DDI2: variants seen among roughly 807,000 people sequenced by gnomAD.
DDI2 encodes the protein protein DDI1 homolog 2.
DDI2 carries 5 observed loss-of-function variants against 48.1 expected under a neutral mutation model. That is an observed-to-expected ratio of 0.10 (90% CI 0.05 to 0.22). The LOEUF is 0.22. Among genes scored for constraint, DDI2 ranks in the 10% least tolerant of loss-of-function variants. The pLI is 1.00. For missense variants in DDI2, 285 were observed against 506.2 expected (o/e 0.56, Z 4.19); for synonymous variants, 205 against 183.6 (o/e 1.12, Z -0.94).
intron 9 of DDI2, among the ~76,000 whole-genome samples, chr1:15,657,785 T>G (rs2148305145): frequency 6.6e-6 from 1 of 152,348 alleles, no homozygotes; most frequent in Middle Eastern, 3.4e-3. Flanking sequence ...AACTAATAAC[T>G]GTTAGACATC....
rs753851310 is a variant in DDI2 at position 15,661,509 on chromosome 1, G to A, written c.*1719G>A. The A allele has an allele frequency of 2.5e-6, 4 of 1,613,958 alleles. No homozygotes were observed. The highest frequency in any genetic ancestry group is 2.5e-6 in the Non-Finnish European group (3 of 1,180,012). On this transcript the variant is annotated 3_prime_UTR_variant, in exon 10 of 10. Coordinates refer to ENST00000480945, the MANE Select transcript of DDI2 (RefSeq NM_032341.5). ...GAGAAAATGTCTGTCCTGATGCTTC[G>A]AGGCCATTACTTGAATATGAACCAC...
At chr1:15,639,372 T>G (rs762759216) in intron 5 of DDI2, among the ~76,000 whole-genome samples, 1 of 152,046 alleles carries the variant, frequency 6.6e-6, no homozygotes, top group Non-Finnish European at 1.5e-5. Flanking sequence ...CAAATAATAT[T>G]TTCCCCCTTC....
At position 15,663,062 on chromosome 1, in the gene DDI2, C is replaced by T. The variant is rs1255489868; in HGVS notation, c.*3272C>T. 6 of 152,104 alleles carry T rather than the reference C, an allele frequency of 3.9e-5. No homozygotes were observed. Among genetic ancestry groups the T allele is most frequent in the African/African-American group, 1.4e-4 (6 of 41,410 alleles). 9.4% of individuals were successfully genotyped at this position (152,104 alleles called of 1,614,324 possible). On this transcript the variant is annotated 3_prime_UTR_variant, in exon 10 of 10. Transcript: ENST00000480945. Reference sequence around the variant, plus strand: ...TGGATAGGTTTTAGATAATTCTTTCCTGGCAAACTGCTCTTTTGGGTACCT... The same window carrying T: ...TGGATAGGTTTTAGATAATTCTTTCTTGGCAAACTGCTCTTTTGGGTACCT...
At chr1:15,619,546 C>T (rs561722160) in intron 1 of DDI2, among the ~76,000 whole-genome samples, 2 of 151,282 alleles carry the variant, frequency 1.3e-5, no homozygotes, top group Non-Finnish European at 2.9e-5. Context: ...ACTGCAAGCT[C>T]CACCTCCCGG....
intron 8 of DDI2, among the ~76,000 whole-genome samples, chr1:15,653,125 A>AT (rs1429595097): frequency 1.3e-5 from 2 of 152,036 alleles, no homozygotes; most frequent in African/African-American, 2.4e-5. Context: ...AGCTTCCTAA[A>AT]TTTTTTTAGG....
At chr1:15,618,232 GTAGA>G (rs1639597089) in intron 1 of DDI2, among the ~76,000 whole-genome samples, 1 of 150,116 alleles carries the variant, frequency 6.7e-6, no homozygotes, top group African/African-American at 2.5e-5. Context: ...GATCACTGTG[GTAGA>G]TAGATGTTCC....
Position 15,656,649 on chromosome 1 carries a change from T to C in DDI2, c.*16T>C. 1 of 1,614,196 alleles carries C rather than the reference T, an allele frequency of 6.2e-7. No homozygotes were observed. Among genetic ancestry groups the C allele is most frequent in the Non-Finnish European group, 8.5e-7 (1 of 1,180,018 alleles). ...GAAGCCATGATGCATGTAGTGTGTG[T>C]GTACTGCAGCTGGAGTGGGCCCCAG... On this transcript the variant is annotated 3_prime_UTR_variant, in exon 9 of 10. Transcript: ENST00000480945.
At position 15,660,868 on chromosome 1, in the gene DDI2, C is replaced by G; in HGVS notation, c.*1078C>G. The G allele has an allele frequency of 6.2e-7, 1 of 1,614,162 alleles. No individual in the cohort carries two copies. The highest frequency in any genetic ancestry group is 8.5e-7 in the Non-Finnish European group (1 of 1,180,040). Reference sequence around the variant, plus strand: ...ATATGGCCATTACTCCTCTCCAAGTCTCTGTGGCAGTTGTCAGCCTTCTGT... The same window carrying G: ...ATATGGCCATTACTCCTCTCCAAGTGTCTGTGGCAGTTGTCAGCCTTCTGT... On this transcript the variant is annotated 3_prime_UTR_variant, in exon 10 of 10. Transcript: ENST00000480945.
chr1:15,637,578 G>T (rs1184643778), intron 4 of DDI2, among the ~76,000 whole-genome samples: 1 of 152,216 alleles, frequency 6.6e-6, no homozygotes, highest in Non-Finnish European at 1.5e-5. Context: ...ATGTTGGCCA[G>T]ACTGGTCTTG....
rs746213909 is a variant in DDI2 at position 15,630,493 on chromosome 1, C to G, written c.437C>G (p.Pro146Arg). 1 of 1,614,082 alleles carries G rather than the reference C, an allele frequency of 6.2e-7. No individual in the cohort carries two copies. The highest frequency in any genetic ancestry group is 1.3e-5 in the African/African-American group (1 of 74,928). The change falls in exon 3 of 10, where the codon CCG (proline) becomes CGG (arginine). Residue 146 changes from proline to arginine, a missense_variant. Around this residue, in one of 3 missense-constraint regions of DDI2, gnomAD observed 149 missense variants for 236.5 expected, o/e 0.63. Transcript: ENST00000480945. Reference sequence around the variant, plus strand: ...CTCCGAGATATGTTGCTGGCCAACCCGCATGAGCTGTCCTTGCTGAAGGAA... The same window carrying G: ...CTCCGAGATATGTTGCTGGCCAACCGGCATGAGCTGTCCTTGCTGAAGGAA... ...ALLRDMLLAN[P>R]HELSLLKERN...
chr1:15,657,576 A>G (rs1436561405), intron 9 of DDI2, among the ~76,000 whole-genome samples: 1 of 152,172 alleles, frequency 6.6e-6, no homozygotes, highest in Non-Finnish European at 1.5e-5. Context: ...AGAGGACTAT[A>G]TGCTACTTTT....
Position 15,663,187 on chromosome 1 carries a change from G to A in DDI2, c.*3397G>A, listed in dbSNP as rs945193272. The A allele has an allele frequency of 2.0e-5, 3 of 152,140 alleles. No homozygotes were observed. The highest frequency in any genetic ancestry group is 7.2e-5 in the African/African-American group (3 of 41,432). The allele number at this position is 152,140 out of a possible 1,614,324, so 9.4% of individuals were successfully genotyped here. A position where few individuals can be genotyped will look rare whatever the true frequency, so the allele number is the denominator to read the frequency against. On this transcript the variant is annotated 3_prime_UTR_variant, in exon 10 of 10. Transcript: ENST00000480945. The stretch of plus-strand genomic sequence containing the variant: ...GTAACATGTTTGAAACAGAAGCTTC[G>A]AAAGAGTGATTTCTCAACTTAGTGT...
chr1:15,661,311 C>G lies in DDI2; in HGVS notation c.*1521C>G. ...TCACTGTAACCTCAGCTAAAACATC[C>G]AATCAGTTACACTGCACCTTAGGTG... On this transcript the variant is annotated 3_prime_UTR_variant, in exon 10 of 10. Coordinates refer to ENST00000480945, the MANE Select transcript of DDI2 (RefSeq NM_032341.5). The G allele has an allele frequency of 1.9e-6, 3 of 1,613,954 alleles. No individual in the cohort carries two copies. Among genetic ancestry groups the G allele is most frequent in the Non-Finnish European group, 2.5e-6 (3 of 1,179,930 alleles).
chr1:15,631,143 A>G (rs1314267309), intron 3 of DDI2, among the ~76,000 whole-genome samples: 2 of 152,178 alleles, frequency 1.3e-5, no homozygotes, highest in Non-Finnish European at 2.9e-5. Context: ...ATGCCCAGCC[A>G]GTACCGATAT....
In DDI2 at chr1:15,666,030, A is replaced by G. The variant is rs1640447804; in HGVS notation, c.*6240A>G. On this transcript the variant is annotated 3_prime_UTR_variant, in exon 10 of 10. Coordinates refer to ENST00000480945, the MANE Select transcript of DDI2 (RefSeq NM_032341.5). Reference sequence around the variant, plus strand: ...AGAGTTATCAAGAGTTTCCCTTCCTAGAAGATGAATGTTACCTTTTGTGTT... The same window carrying G: ...AGAGTTATCAAGAGTTTCCCTTCCTGGAAGATGAATGTTACCTTTTGTGTT... 6.6e-6 allele frequency: 1 copy of G among 152,184 alleles called. No individual in the cohort carries two copies. The highest frequency in any genetic ancestry group is 6.5e-5 in the Admixed American group (1 of 15,274). 9.4% of individuals were successfully genotyped at this position (152,184 alleles called of 1,614,324 possible). A position where few individuals can be genotyped will look rare whatever the true frequency, so the allele number is the denominator to read the frequency against.
In DDI2 at chr1:15,617,533, T is replaced by TGAGGGAGGGAGC; in HGVS notation, c.-134_-123dup. The TGAGGGAGGGAGC allele has an allele frequency of 1.7e-6, 1 of 605,570 alleles. No individual in the cohort carries two copies. Among genetic ancestry groups the TGAGGGAGGGAGC allele is most frequent in the Non-Finnish European group, 2.4e-6 (1 of 420,454 alleles). The allele number at this position is 605,570 out of a possible 1,614,324, so 37.5% of individuals were successfully genotyped here. On this transcript the variant is annotated 5_prime_UTR_variant, in exon 1 of 10. Coordinates refer to ENST00000480945, the MANE Select transcript of DDI2 (RefSeq NM_032341.5). ...GAGGGAGTGACTCACTGAGCGTGTG[T>TGAGGGAGGGAGC]GAGGGAGGGAGCGAGCGAGCGAACG... is the stretch of plus-strand genomic sequence containing the variant.
At chr1:15,654,937 CTT>C (rs60979134) in intron 8 of DDI2, among the ~76,000 whole-genome samples, 1 of 140,660 alleles carries the variant, frequency 7.1e-6, no homozygotes. Flanking sequence ...TATGAAATGT[CTT>C]TTTTTTTTTT....
intron 6 of DDI2, among the ~76,000 whole-genome samples, chr1:15,648,495 T>G (rs547646177): frequency 6.6e-6 from 1 of 152,330 alleles, no homozygotes; most frequent in African/African-American, 2.4e-5. Flanking sequence ...ATGTGCTCAT[T>G]TTAAATTTGG....
rs575130558 is a variant in DDI2 at position 15,619,637 on chromosome 1, AT to A, written c.138+1834del. Among the ~76,000 whole-genome samples the A allele has an allele frequency of 3.5e-5, 5 of 143,992 alleles. No individual in the cohort carries two copies. In the East Asian group the frequency reaches 1.1e-3, roughly 31 times the overall value. The allele number at this position is 143,992 out of a possible 152,430, so 94.5% of individuals were successfully genotyped here. Reference sequence around the variant, plus strand: ...CCACCGCGCCCGACTCATTTTTTGTATTTTTAGTAGAGAAGGGGTTTCACCA... The same window carrying A: ...CCACCGCGCCCGACTCATTTTTTGTATTTTAGTAGAGAAGGGGTTTCACCA... On this transcript the variant is annotated intron_variant, in intron 1 of 9. Transcript: ENST00000480945.
Sources: allele counts gnomAD v4.1 joint callset (sites outside exome capture counted in the v4.1 genomes callset), GRCh38; gene constraint gnomAD v4.1.1; regional missense constraint gnomAD v4.1.1; transcripts MANE v1.5; gene names NCBI Gene and HGNC (gene_info 2026-07-23, HGNC 2026-07-21).